The following ERP44 variants were observed in gnomAD, a reference collection of about 807,000 sequenced individuals.
ERP44 encodes the protein endoplasmic reticulum resident protein 44.
ERP44 carries 25 observed loss-of-function variants against 53.4 expected under a neutral mutation model. That is an observed-to-expected ratio of 0.47 (90% confidence interval 0.34 to 0.65). The LOEUF (loss-of-function observed/expected upper bound fraction) is 0.65. ERP44 is among the 30% of genes least tolerant of loss of function. The pLI, the probability that ERP44 is intolerant of heterozygous loss-of-function variation, is 0.01. For missense variants in ERP44, 338 were observed against 493.2 expected, an observed-to-expected ratio of 0.69 and a Z score of 2.98; for synonymous variants, 145 against 161.2, an observed-to-expected ratio of 0.90 and a Z score of 0.76.
intron 10 of ERP44, among the ~76,000 whole-genome samples, chr9:99,991,480 C>A (rs1216915392): frequency 6.6e-6 from 1 of 152,158 alleles, no homozygotes; most frequent in Non-Finnish European, 1.5e-5. Context: ...AGAACAAAGA[C>A]AGTGTACCAG....
At chr9:100,063,323 T>C (rs1826175937) in intron 1 of ERP44, among the ~76,000 whole-genome samples, 2 of 152,124 alleles carry the variant, frequency 1.3e-5, no homozygotes, top group African/African-American at 4.8e-5. Flanking sequence ...GACCCAGTAA[T>C]CTCTGCTCCC....
chr9:99,985,827 T>G (rs1017044879), intron 10 of ERP44, among the ~76,000 whole-genome samples: 2 of 152,230 alleles, frequency 1.3e-5, no homozygotes, highest in Non-Finnish European at 2.9e-5. Context: ...TTAAACTAGC[T>G]TTTATTTACA....
At chr9:100,068,904 AAAG>A (rs1381047723) in intron 1 of ERP44, among the ~76,000 whole-genome samples, 2 of 152,366 alleles carry the variant, frequency 1.3e-5, no homozygotes, top group Non-Finnish European at 2.9e-5. Context: ...GTCTGTGTAG[AAAG>A]AAGTAGACAT....
chr9:100,029,455 C>A (rs1346423869), intron 4 of ERP44, among the ~76,000 whole-genome samples: 1 of 152,102 alleles, frequency 6.6e-6, no homozygotes, highest in Non-Finnish European at 1.5e-5. Flanking sequence ...ACATACAAAT[C>A]GAAACCACAA....
At chr9:100,027,448 T>A (rs1564092916) in intron 4 of ERP44, among the ~76,000 whole-genome samples, 2 of 152,218 alleles carry the variant, frequency 1.3e-5, no homozygotes, top group African/African-American at 2.4e-5. Flanking sequence ...GCTTTTTTTT[T>A]TATTTTACAA....
intron 4 of ERP44, among the ~76,000 whole-genome samples, chr9:100,041,028 T>C (rs1338243397): frequency 6.6e-6 from 1 of 152,180 alleles, no homozygotes; most frequent in Non-Finnish European, 1.5e-5. Flanking sequence ...AGAAATTCTA[T>C]GTTTATGGAT....
chr9:100,037,723 T>A (rs1406953679), intron 4 of ERP44, among the ~76,000 whole-genome samples: 3 of 152,112 alleles, frequency 2.0e-5, no homozygotes, highest in Non-Finnish European at 4.4e-5. Context: ...CTGGATGACA[T>A]TTCTAGATAC....
chr9:100,064,973 CTAGT>C (rs1313775141), intron 1 of ERP44, among the ~76,000 whole-genome samples: 1 of 152,052 alleles, frequency 6.6e-6, no homozygotes, highest in African/African-American at 2.4e-5. Context: ...TTACAGTAAG[CTAGT>C]TAATTTAGTA....
rs58004954 is a variant in ERP44, at chr9:100,063,075, C to CAAAAAAAAAAA, written c.58-2914_58-2904dup. ...GATGACAGAACAGGACCCTGTCTCA[C>CAAAAAAAAAAA]AAAAAAAAAAAAAAAAAAGAGAGAG... On this transcript the variant is annotated intron_variant, in intron 1 of 11. Transcript: ENST00000262455. 8.7e-3 allele frequency among the ~76,000 whole-genome samples: 350 copies of CAAAAAAAAAAA among 40,028 alleles called. 76 individuals are homozygous for CAAAAAAAAAAA. Among genetic ancestry groups the CAAAAAAAAAAA allele is most frequent in the East Asian group, 0.012 (9 of 756 alleles). The allele number at this position is 40,028 out of a possible 152,430, so 26.3% of individuals were successfully genotyped here.
intron 10 of ERP44, among the ~76,000 whole-genome samples, chr9:99,987,848 T>C (rs933534429): frequency 3.3e-5 from 5 of 152,184 alleles, no homozygotes; most frequent in Admixed American, 2.6e-4. Flanking sequence ...CCTGTATCCA[T>C]TGCTGAACAG....
intron 1 of ERP44, among the ~76,000 whole-genome samples, chr9:100,070,826 A>C (rs889447076): frequency 6.6e-6 from 1 of 152,170 alleles, no homozygotes; most frequent in South Asian, 2.1e-4. Flanking sequence ...ACAGAAAACA[A>C]TGATAGCCTA....
chr9:100,069,322 A>C (rs1216278276), intron 1 of ERP44, among the ~76,000 whole-genome samples: 1 of 115,852 alleles, frequency 8.6e-6, no homozygotes, highest in Non-Finnish European at 1.9e-5. Context: ...ACCAACCAAA[A>C]AAAAGAAAAA....
At chr9:100,068,365 C>T (rs1274227187) in intron 1 of ERP44, among the ~76,000 whole-genome samples, 2 of 132,342 alleles carry the variant, frequency 1.5e-5, no homozygotes, top group Non-Finnish European at 3.2e-5. Flanking sequence ...CCAGCCGCCC[C>T]GTCCGGGAGG....
At chr9:100,075,192 T>C (rs1826342948) in intron 1 of ERP44, among the ~76,000 whole-genome samples, 1 of 152,222 alleles carries the variant, frequency 6.6e-6, no homozygotes, top group Non-Finnish European at 1.5e-5. Flanking sequence ...TAGATGGATC[T>C]TGGAGAATGA....
intron 10 of ERP44, among the ~76,000 whole-genome samples, chr9:99,994,678 C>T (rs554293331): frequency 1.2e-4 from 18 of 152,110 alleles, no homozygotes; most frequent in Non-Finnish European, 2.2e-4. Flanking sequence ...TATTACCATA[C>T]TTGTATGTCT....
At chr9:100,085,726 C>G (rs374355713) in intron 1 of ERP44, among the ~76,000 whole-genome samples, 2 of 152,286 alleles carry the variant, frequency 1.3e-5, no homozygotes, top group African/African-American at 4.8e-5. Flanking sequence ...ATGGTGAAAC[C>G]TCGTCTCTAC....
intron 10 of ERP44, among the ~76,000 whole-genome samples, chr9:99,985,998 A>G (rs1039496945): frequency 1.3e-5 from 2 of 152,210 alleles, no homozygotes; most frequent in Non-Finnish European, 1.5e-5. Flanking sequence ...TATGGACACT[A>G]TTCTCTTAAT....
chr9:99,982,004 A>G lies in ERP44; in HGVS notation c.*608T>C, dbSNP rs998794813. 2 of 152,604 alleles carry G rather than the reference A, an allele frequency of 1.3e-5. No homozygotes were observed. Among genetic ancestry groups the G allele is most frequent in the African/African-American group, 4.8e-5 (2 of 41,436 alleles). 9.5% of individuals were successfully genotyped at this position (152,604 alleles called of 1,614,324 possible). A position where few individuals can be genotyped will look rare whatever the true frequency, so the allele number is the denominator to read the frequency against. On this transcript the variant is annotated 3_prime_UTR_variant, in exon 12 of 12. Coordinates refer to ENST00000262455, the MANE Select transcript of ERP44 (RefSeq NM_015051.3). ...TTCTTTTTCTTGTTTCATAAGGACA[A>G]TTCCTGCCAAATGTTCTGTCTTATG...
intron 2 of ERP44, among the ~76,000 whole-genome samples, chr9:100,059,367 T>C (rs984529271): frequency 2.0e-5 from 3 of 152,176 alleles, no homozygotes; most frequent in East Asian, 1.9e-4. Flanking sequence ...CACAACCACA[T>C]TGTCAGCAAA....
Sources: gnomAD v4.1 joint callset for allele counts (sites outside exome capture counted in the v4.1 genomes callset) on GRCh38, gnomAD v4.1.1 for gene constraint, MANE v1.5 for transcripts, NCBI Gene and HGNC (gene_info 2026-07-23, HGNC 2026-07-21) for gene names.